Variants in THADA observed in about 807,000 individuals in gnomAD.
THADA encodes THADA armadillo repeat containing.
THADA carries 213 observed loss-of-function variants against 219.8 expected under a neutral mutation model. That is an observed-to-expected ratio of 0.97 (90% CI 0.87 to 1.09). THADA has a LOEUF of 1.09. Ranked by LOEUF, THADA falls within the 50% of genes least tolerant of loss-of-function variation. The pLI, the probability that THADA is intolerant of heterozygous loss-of-function variation, is 0.00. For synonymous variants in THADA, 1,018 were observed against 828.9 expected, an observed-to-expected ratio of 1.23 and a Z score of -3.92; for missense variants, 2,956 against 2,311.3, an observed-to-expected ratio of 1.28 and a Z score of -5.72.
chr2:43,584,416 A>G (rs1170221976), intron 7 of THADA, among the ~76,000 whole-genome samples: 2 of 152,190 alleles, frequency 1.3e-5, no homozygotes, highest in Non-Finnish European at 2.9e-5. Flanking sequence ...CAAAATAAAA[A>G]GGACAGAACC....
At chr2:43,289,608 G>A (rs1276951889) in intron 34 of THADA, among the ~76,000 whole-genome samples, 2 of 152,174 alleles carry the variant, frequency 1.3e-5, no homozygotes, top group Non-Finnish European at 2.9e-5. Flanking sequence ...AGGCTTGTTA[G>A]GCTGCCTGGT....
At chr2:43,551,420 T>C (rs1015245882) in intron 19 of THADA, among the ~76,000 whole-genome samples, 14 of 152,262 alleles carry the variant, frequency 9.2e-5, no homozygotes, top group Admixed American at 9.2e-4. Flanking sequence ...AAAATACAGA[T>C]GCTCCAATAA....
At chr2:43,236,568 G>C (rs1427020136) in intron 36 of THADA, among the ~76,000 whole-genome samples, 2 of 152,174 alleles carry the variant, frequency 1.3e-5, no homozygotes, top group Non-Finnish European at 2.9e-5. Flanking sequence ...TTAAGAATCT[G>C]CTGAGAGGCT....
In THADA at chr2:43,481,468, C is replaced by T. The variant is rs1686215064; in HGVS notation, c.3836+3766G>A. ...ATTATTTTGTTCCTCTTTCAATCTA[C>T]CTGTTTCCATGTACCCCAAATCTAC... On this transcript the variant is annotated intron_variant, in intron 26 of 37. Transcript: ENST00000405975. Among the ~76,000 whole-genome samples, 5 of 152,298 alleles carry T rather than the reference C, an allele frequency of 3.3e-5. No homozygotes were observed. The South Asian group carries it at 1.0e-3, about 32-fold the overall frequency.
rs1356415445 is a variant in THADA, at chr2:43,378,697, C to T, written c.4227+19274G>A. On this transcript the variant is annotated intron_variant, in intron 29 of 37. Coordinates refer to ENST00000405975, the MANE Select transcript of THADA (RefSeq NM_022065.5). ...CTGGGCTCACTGCAACCTCCACTTC[C>T]AGGGTTCAAGCGATTTTCCTGCCTC... is the stretch of plus-strand genomic sequence containing the variant. 6.6e-5 allele frequency among the ~76,000 whole-genome samples: 10 copies of T among 152,174 alleles called. 1 individual carries two copies. Among genetic ancestry groups the T allele is most frequent in the Admixed American group, 6.5e-4 (10 of 15,278 alleles).
chr2:43,319,634 C>T (rs1400134300), intron 31 of THADA, among the ~76,000 whole-genome samples: 1 of 152,150 alleles, frequency 6.6e-6, no homozygotes, highest in Non-Finnish European at 1.5e-5. Flanking sequence ...AAATCATTGA[C>T]AGACTAAATG....
intron 20 of THADA, among the ~76,000 whole-genome samples, chr2:43,548,905 A>G (rs1008578335): frequency 1.3e-5 from 2 of 152,114 alleles, no homozygotes; most frequent in Non-Finnish European, 2.9e-5. Flanking sequence ...GGCACTCCCT[A>G]GTGAGATGAA....
chr2:43,381,444 T>C (rs1198390200), intron 29 of THADA, among the ~76,000 whole-genome samples: 1 of 152,072 alleles, frequency 6.6e-6, no homozygotes, highest in Non-Finnish European at 1.5e-5. Context: ...CCCCTGAGTG[T>C]GGGCTACACT....
At chr2:43,301,197 G>T (rs1676222645) in intron 31 of THADA, among the ~76,000 whole-genome samples, 1 of 152,148 alleles carries the variant, frequency 6.6e-6, no homozygotes, top group South Asian at 2.1e-4. Context: ...TGGGTGGGTA[G>T]GGCACTGGAG....
chr2:43,344,046 C>T (rs1324021374), intron 30 of THADA, 76 bp downstream of exon 30: 1 of 1,080,216 alleles, frequency 9.3e-7, no homozygotes, highest in East Asian at 2.6e-5. Context: ...TAAAACTCCC[C>T]ACAACTAGAA....
intron 22 of THADA, among the ~76,000 whole-genome samples, chr2:43,521,175 G>C (rs114590641): frequency 6.6e-6 from 1 of 150,428 alleles, no homozygotes; most frequent in South Asian, 2.1e-4. Flanking sequence ...AAAGGAGGGA[G>C]GGAGGGAAGA....
At chr2:43,552,428 C>G (rs1161128574) in intron 17 of THADA, 89 bp from the exon 18 acceptor site, 1 of 1,358,836 alleles carries the variant, frequency 7.4e-7, no homozygotes, top group African/African-American at 1.5e-5. Context: ...ATTAATATGG[C>G]CAACTCAAAT....
chr2:43,520,819 C>G (rs1256299435), intron 22 of THADA, among the ~76,000 whole-genome samples: 1 of 151,822 alleles, frequency 6.6e-6, no homozygotes, highest in Non-Finnish European at 1.5e-5. Context: ...TCCAGCTTCC[C>G]TCAGTCTTTT....
At chr2:43,391,099 C>T (rs1386307565) in intron 29 of THADA, among the ~76,000 whole-genome samples, 1 of 152,196 alleles carries the variant, frequency 6.6e-6, no homozygotes, top group African/African-American at 2.4e-5. Context: ...ATGGGAATAA[C>T]ACCTATCCTC....
chr2:43,556,065 A>G (rs1333207171), intron 17 of THADA: 1 of 655,292 alleles, frequency 1.5e-6, no homozygotes, highest in Non-Finnish European at 2.0e-6. Context: ...TAGGGAAAAA[A>G]GCACACTTTT....
At chr2:43,455,504 GCT>G (rs371767650) in intron 26 of THADA, among the ~76,000 whole-genome samples, 13 of 149,554 alleles carry the variant, frequency 8.7e-5, no homozygotes, top group East Asian at 3.9e-4. Context: ...ACGTGCTCTC[GCT>G]CTCTCTCTCT....
At chr2:43,373,774 G>A (rs1341887647) in intron 29 of THADA, among the ~76,000 whole-genome samples, 1 of 152,254 alleles carries the variant, frequency 6.6e-6, no homozygotes, top group Middle Eastern at 3.4e-3. Flanking sequence ...CAATGAGCCT[G>A]CCCAAGTCTA....
At chr2:43,595,224 C>G (rs1035773753) in intron 1 of THADA, among the ~76,000 whole-genome samples, 1 of 152,214 alleles carries the variant, frequency 6.6e-6, no homozygotes, top group Non-Finnish European at 1.5e-5. Context: ...CATTCTACAT[C>G]TTAAGAACCT....
chr2:43,489,571 G>C (rs924920304), intron 25 of THADA, among the ~76,000 whole-genome samples: 1 of 152,032 alleles, frequency 6.6e-6, no homozygotes, highest in African/African-American at 2.4e-5. Context: ...TATGAGATGG[G>C]GATCACATTC....
Sources: allele counts gnomAD v4.1 joint callset (sites outside exome capture counted in the v4.1 genomes callset), GRCh38; gene constraint gnomAD v4.1.1; transcripts MANE v1.5; gene names NCBI Gene and HGNC (gene_info 2026-07-23, HGNC 2026-07-21).